Variants in DOCK9 observed in about 807,000 individuals in gnomAD.
DOCK9 encodes the protein dedicator of cytokinesis 9, also known as dedicator of cytokinesis protein 9.
Under a neutral mutation model 263.3 loss-of-function variants are expected in DOCK9, and 89 were observed. The observed-to-expected ratio is 0.34, with a 90% CI of 0.28 to 0.40. The LOEUF is 0.40. Among genes scored for constraint, DOCK9 ranks in the 10% least tolerant of loss-of-function variants. The probability of loss-of-function intolerance (pLI) is 1.00; values close to 1 mark genes in which losing one functional copy is unlikely to be tolerated. For missense variants in DOCK9, 2,140 were observed against 2,603.4 expected, an observed-to-expected ratio of 0.82 and a Z score of 3.87; for synonymous variants, 976 against 973.1, an observed-to-expected ratio of 1.00 and a Z score of -0.06.
upstream of DOCK9, chr13:99,088,552 C>T (rs1449821152): frequency 6.6e-6 from 1 of 152,238 alleles, no homozygotes; most frequent in African/African-American, 2.4e-5. Context: ...GTTACCTTGG[C>T]TCTCTAAGCT....
chr13:98,846,428 GTA>G (rs869097589), intron 37 of DOCK9: 22 of 1,052,000 alleles, frequency 2.1e-5, no homozygotes, highest in South Asian at 7.4e-5. Context: ...CAAAAGACAT[GTA>G]TTTTTTTTAA....
At chr13:98,832,179 G>A (rs140202690) in intron 39 of DOCK9, 1 of 183,690 alleles carries the variant, frequency 5.4e-6, no homozygotes, top group East Asian at 1.4e-4. Context: ...AAGTACTCAA[G>A]TAAGGTATAT....
At chr13:98,880,735 GAGACTCCCA>G (rs2044613440) in intron 25 of DOCK9, 63 bp from the exon 26 acceptor site, 1 of 1,578,918 alleles carries the variant, frequency 6.3e-7, no homozygotes, top group Non-Finnish European at 8.6e-7. Context: ...GAAAGCTTGA[GAGACTCCCA>G]AGAATGGAGA....
At chr13:98,932,926 C>T (rs2054197023) in intron 2 of DOCK9, among the ~76,000 whole-genome samples, 1 of 152,036 alleles carries the variant, frequency 6.6e-6, no homozygotes, top group African/African-American at 2.4e-5. Flanking sequence ...TTGTGAAATG[C>T]CACAGAGATG....
chr13:98,881,477 AG>A, intron 25 of DOCK9, 80 bp downstream of exon 25: 1 of 1,129,698 alleles, frequency 8.9e-7, no homozygotes, highest in Non-Finnish European at 1.3e-6. Flanking sequence ...TCAAATAACC[AG>A]GCTTGTGAAA....
chr13:98,803,977 A>G (rs1356828233), intron 49 of DOCK9, among the ~76,000 whole-genome samples: 1 of 151,148 alleles, frequency 6.6e-6, no homozygotes, highest in Admixed American at 6.6e-5. Flanking sequence ...ACTGAGATAT[A>G]AACCCCACGC....
At chr13:98,942,539 G>T (rs1567042019) in intron 2 of DOCK9, among the ~76,000 whole-genome samples, 2 of 152,260 alleles carry the variant, frequency 1.3e-5, no homozygotes. Flanking sequence ...CGCCCAGCTG[G>T]TTGTCTTTCT....
chr13:99,014,305 G>A (rs1400233555), intron 1 of DOCK9, among the ~76,000 whole-genome samples: 1 of 152,208 alleles, frequency 6.6e-6, no homozygotes, highest in Non-Finnish European at 1.5e-5. Flanking sequence ...TCTGATACCA[G>A]TTATTCGCAA....
intron 7 of DOCK9, among the ~76,000 whole-genome samples, chr13:98,916,339 G>A (rs568547376): frequency 5.3e-5 from 8 of 152,320 alleles, no homozygotes; most frequent in East Asian, 3.9e-4. Flanking sequence ...CAGGTTGGCC[G>A]CAGTAGACAG....
chr13:99,015,315 A>T, intron 1 of DOCK9: 1 of 707,562 alleles, frequency 1.4e-6, no homozygotes, highest in Non-Finnish European at 2.1e-6. Context: ...ACTTAAGGCC[A>T]CTAATTACCC....
At position 98,999,316 on chromosome 13, in the gene DOCK9, A is replaced by ACACACACACTCTCTCT; in HGVS notation, c.130-43766_130-43765insAGAGAGAGTGTGTGTG. 2.8e-3 allele frequency among the ~76,000 whole-genome samples: 387 copies of ACACACACACTCTCTCT among 138,350 alleles called. 6 individuals carry two copies. The highest frequency in any genetic ancestry group is 0.019 in the East Asian group (92 of 4,870). The allele number at this position is 138,350 out of a possible 152,430, so 90.8% of individuals were successfully genotyped here. A position where few individuals can be genotyped will look rare whatever the true frequency, so the allele number is the denominator to read the frequency against. On this transcript the variant is annotated intron_variant, in intron 1 of 32. Transcript: ENST00000427887. ...CACACACACACACACACACACACAC[A>ACACACACACTCTCTCT]CTCTCTCTCTCTCTCTCTCTGGAAG...
At position 98,797,101 on chromosome 13, in the gene DOCK9, A is replaced by G; in HGVS notation, c.6156+14T>C. Reference sequence around the variant, plus strand: ...CCAAGAACTCCAAGTTGTTGGAGCCAGTGCGGCCCTCACCTGCTCATGCAT... The same window carrying G: ...CCAAGAACTCCAAGTTGTTGGAGCCGGTGCGGCCCTCACCTGCTCATGCAT... On this transcript the variant is annotated intron_variant, in intron 52 of 52. Transcript: ENST00000682017. 2.5e-6 allele frequency: 4 copies of G among 1,613,970 alleles called. No individual in the cohort carries two copies. In the South Asian group the frequency reaches 4.4e-5, roughly 18 times the overall value.
chr13:98,936,956 G>C (rs563581235), intron 2 of DOCK9, among the ~76,000 whole-genome samples: 4 of 152,184 alleles, frequency 2.6e-5, no homozygotes, highest in Non-Finnish European at 5.9e-5. Context: ...TACTCCAAAA[G>C]CACTAAAGCC....
intron 4 of DOCK9, 83 bp from the exon 5 acceptor site, chr13:98,923,454 C>T (rs902086854): frequency 6.2e-5 from 69 of 1,120,132 alleles, no homozygotes; most frequent in Admixed American, 8.8e-5. Context: ...TCATAGGGCC[C>T]GGCCTTTACT....
At chr13:98,998,716 C>T (rs1881613811) in intron 1 of DOCK9, among the ~76,000 whole-genome samples, 1 of 152,152 alleles carries the variant, frequency 6.6e-6, no homozygotes, top group South Asian at 2.1e-4. Context: ...CGTCCAACTG[C>T]TAAAGTCTAG....
chr13:98,872,734 T>C (rs1235321060), intron 27 of DOCK9, among the ~76,000 whole-genome samples: 1 of 152,202 alleles, frequency 6.6e-6, no homozygotes, highest in East Asian at 1.9e-4. Flanking sequence ...TACCTCTTCA[T>C]CATTTTCATT....
intron 1 of DOCK9, among the ~76,000 whole-genome samples, chr13:98,999,620 G>C (rs1881880108): frequency 9.3e-6 from 1 of 107,664 alleles, no homozygotes; most frequent in Admixed American, 8.4e-5. Context: ...AACAGAAAGA[G>C]GGCGATTCAA....
chr13:98,877,039 T>C (rs912942553), intron 27 of DOCK9, among the ~76,000 whole-genome samples: 2 of 152,258 alleles, frequency 1.3e-5, no homozygotes, highest in African/African-American at 4.8e-5. Context: ...TTGTGCATGG[T>C]AGCATTTGAG....
intron 1 of DOCK9, among the ~76,000 whole-genome samples, chr13:99,077,127 T>C (rs1278160238): frequency 6.6e-6 from 1 of 152,070 alleles, no homozygotes; most frequent in Non-Finnish European, 1.5e-5. Flanking sequence ...ATAGTTTGTA[T>C]CCCAAGGGCA....
Sources: allele counts gnomAD v4.1 joint callset (sites outside exome capture counted in the v4.1 genomes callset), GRCh38; gene constraint gnomAD v4.1.1; transcripts MANE v1.5; gene names NCBI Gene and HGNC (gene_info 2026-07-23, HGNC 2026-07-21).